The following USP24 variants were observed in gnomAD, a reference collection of about 807,000 sequenced individuals.
USP24 encodes the protein ubiquitin specific peptidase 24, also known as ubiquitin carboxyl-terminal hydrolase 24.
In USP24, 97 loss-of-function variants were observed where a neutral mutation model predicts 361.6. That is an observed-to-expected ratio of 0.27 (90% CI 0.23 to 0.32). The LOEUF (loss-of-function observed/expected upper bound fraction) is 0.32. USP24 is among the 10% of genes least tolerant of loss of function. USP24 has a pLI of 1.00. For synonymous variants in USP24, 1,098 were observed against 1,124.6 expected (o/e 0.98, Z 0.47); for missense variants, 2,353 against 3,165.6 (o/e 0.74, Z 6.16).
intron 1 of USP24, among the ~76,000 whole-genome samples, chr1:55,198,128 C>CTT (rs1489703674): frequency 7.0e-6 from 1 of 142,540 alleles, no homozygotes; most frequent in Non-Finnish European, 1.5e-5. Context: ...ATTTATATTT[C>CTT]TTTTTTAAAA....
Position 55,068,924 on chromosome 1 carries a change from G to A in USP24, c.*121C>T. The A allele has an allele frequency of 9.3e-7, 1 of 1,079,984 alleles. No homozygotes were observed. The allele number at this position is 1,079,984 out of a possible 1,614,324, so 66.9% of individuals were successfully genotyped here. A position where few individuals can be genotyped will look rare whatever the true frequency, so the allele number is the denominator to read the frequency against. Reference sequence around the variant, plus strand: ...CTTGAGAAATACACGATCCGCCCAAGTCACAGCAGCTTTCCCAGTCCAATC... The same window carrying A: ...CTTGAGAAATACACGATCCGCCCAAATCACAGCAGCTTTCCCAGTCCAATC... On this transcript the variant is annotated 3_prime_UTR_variant, in exon 68 of 68. Coordinates refer to ENST00000294383, the MANE Select transcript of USP24 (RefSeq NM_015306.3).
Position 55,209,276 on chromosome 1 carries a change from T to G in USP24, c.324+5514A>C, listed in dbSNP as rs1644793123. 2.6e-5 allele frequency among the ~76,000 whole-genome samples: 4 copies of G among 152,170 alleles called. No individual in the cohort carries two copies. The South Asian group carries it at 8.3e-4, about 32-fold the overall frequency. ...ATCCAACTTCTTCTTTTTTTTTCTT[T>G]TTAAAAGGAAAACCTTTCTAAAATA... On this transcript the variant is annotated intron_variant, in intron 1 of 67. Coordinates refer to ENST00000294383, the MANE Select transcript of USP24 (RefSeq NM_015306.3).
intron 55 of USP24, among the ~76,000 whole-genome samples, chr1:55,088,986 C>T (rs1645314473): frequency 6.6e-6 from 1 of 151,458 alleles, no homozygotes; most frequent in Admixed American, 6.6e-5. Context: ...GATCTCAGCT[C>T]ACTGCAACCT....
At position 55,101,682 on chromosome 1, in the gene USP24, T is replaced by C. The variant is rs766138009; in HGVS notation, c.5047A>G (p.Arg1683Gly). ...AGCCCCACAAACCCTGAACTGGACCTGCTATCCACTGGGGGAAGGTACTGG... is the reference window on the plus strand; with the variant it reads ...AGCCCCACAAACCCTGAACTGGACCCGCTATCCACTGGGGGAAGGTACTGG... ...EFDYLPPVDSRSSSGFVGLRN... is the reference protein window; with the variant it reads ...EFDYLPPVDSGSSSGFVGLRN... Residue 1683 changes from arginine (R) to glycine (G), a missense_variant, in exon 43 of 68, where the codon AGG (arginine) becomes GGG (glycine). By Grantham distance (125) the Arg-to-Gly change is moderately radical. Around this residue, in one of 8 missense-constraint regions of USP24, gnomAD observed 949 missense variants for 1,280.5 expected, o/e 0.74. Coordinates refer to ENST00000294383, the MANE Select transcript of USP24 (RefSeq NM_015306.3). 1 of 1,610,354 alleles carries C rather than the reference T, an allele frequency of 6.2e-7. No individual in the cohort carries two copies.
At chr1:55,127,672 A>G (rs540255882) in intron 32 of USP24, among the ~76,000 whole-genome samples, 2 of 152,204 alleles carry the variant, frequency 1.3e-5, no homozygotes, top group Non-Finnish European at 2.9e-5. Context: ...GAACTAGTTT[A>G]CAGTCCCACC....
intron 38 of USP24, among the ~76,000 whole-genome samples, chr1:55,114,852 A>G (rs949828865): frequency 2.0e-5 from 3 of 152,238 alleles, no homozygotes; most frequent in Non-Finnish European, 4.4e-5. Context: ...TTCATGACTA[A>G]AACACCAAAA....
chr1:55,156,642 A>AC (rs1647692341), intron 12 of USP24, among the ~76,000 whole-genome samples: 1 of 152,162 alleles, frequency 6.6e-6, no homozygotes, highest in African/African-American at 2.4e-5. Context: ...AATGAAAAGA[A>AC]CACTAGATTG....
intron 55 of USP24, among the ~76,000 whole-genome samples, chr1:55,088,488 T>C (rs1306306963): frequency 6.6e-6 from 1 of 152,114 alleles, no homozygotes; most frequent in Non-Finnish European, 1.5e-5. Context: ...TGTGCACATG[T>C]AGAGAGATTC....
At chr1:55,088,090 G>A (rs1645293317) in intron 55 of USP24, among the ~76,000 whole-genome samples, 1 of 152,248 alleles carries the variant, frequency 6.6e-6, no homozygotes, top group Non-Finnish European at 1.5e-5. Flanking sequence ...TTTATTCTGA[G>A]AGCAACAGGA....
intron 28 of USP24, among the ~76,000 whole-genome samples, chr1:55,137,310 G>T (rs899171207): frequency 3.3e-5 from 5 of 152,316 alleles, no homozygotes; most frequent in African/African-American, 1.2e-4. Flanking sequence ...ACTGTTTCAA[G>T]GAGCTTTGCT....
At chr1:55,072,230 CTT>C in intron 66 of USP24, 85 bp downstream of exon 66, 5 of 1,086,282 alleles carry the variant, frequency 4.6e-6, no homozygotes, top group Admixed American at 2.2e-5. Context: ...TCATACCTCT[CTT>C]CTCAGAGGTT....
intron 42 of USP24, among the ~76,000 whole-genome samples, chr1:55,103,595 C>T (rs1384113884): frequency 1.3e-5 from 2 of 152,120 alleles, no homozygotes; most frequent in Non-Finnish European, 2.9e-5. Context: ...AGCATAAAGT[C>T]ACTGAAAAAA....
chr1:55,103,806 C>CTAT, intron 42 of USP24, 70 bp downstream of exon 42: 1 of 1,495,210 alleles, frequency 6.7e-7, no homozygotes, highest in Non-Finnish European at 9.0e-7. Context: ...AATGCAAATA[C>CTAT]AGTCTTAAAA....
chr1:55,126,261 G>A (rs1308095162), intron 32 of USP24, among the ~76,000 whole-genome samples: 4 of 152,206 alleles, frequency 2.6e-5, no homozygotes, highest in Non-Finnish European at 2.9e-5. Flanking sequence ...AGGTCCCCAC[G>A]CATGGGTGTG....
Position 55,103,783 on chromosome 1 carries a change from T to C in USP24, c.5025+93A>G, listed in dbSNP as rs537906408. Reference sequence around the variant, plus strand: ...AGCAAAATAGTAATACTGACTTTCTTTGTGGTCAGCAGAATGCAAATACAG... The same window carrying C: ...AGCAAAATAGTAATACTGACTTTCTCTGTGGTCAGCAGAATGCAAATACAG... On this transcript the variant is annotated intron_variant, in intron 42 of 67. Transcript: ENST00000294383. The C allele has an allele frequency of 1.0e-5, 14 of 1,383,020 alleles. No homozygotes were observed. In the African/African-American group the frequency reaches 1.2e-4, roughly 12 times the overall value. The allele number at this position is 1,383,020 out of a possible 1,614,324, so 85.7% of individuals were successfully genotyped here. A position where few individuals can be genotyped will look rare whatever the true frequency, so the allele number is the denominator to read the frequency against.
rs998233617 is a variant in USP24, at chr1:55,187,439, A to G, written c.325-9307T>C. 1.3e-5 allele frequency among the ~76,000 whole-genome samples: 2 copies of G among 152,218 alleles called. 1 individual carries two copies. Among genetic ancestry groups the G allele is most frequent in the Non-Finnish European group, 2.9e-5 (2 of 68,026 alleles). The stretch of plus-strand genomic sequence containing the variant: ...CATTCAACACTGCACTGGAGTGTCT[A>G]GTCAAGGCAATTAGGCAAAGAAAAA... On this transcript the variant is annotated intron_variant, in intron 1 of 67. Transcript: ENST00000294383.
intron 43 of USP24, 100 bp downstream of exon 43, chr1:55,101,482 CTT>C (rs1645633190): frequency 2.7e-6 from 4 of 1,476,754 alleles, no homozygotes; most frequent in East Asian, 2.5e-5. Context: ...CAAGTTATGT[CTT>C]GTTTTAGGAA....
Position 55,096,499 on chromosome 1 carries a change from T to G in USP24, c.6060A>C (p.Gln2020His). Residue 2020 changes from glutamine (Q) to histidine (H), a missense_variant and splice_region_variant, in exon 50 of 68, where the codon CAA becomes CAC. Around this residue, in one of 8 missense-constraint regions of USP24, gnomAD observed 598 missense variants for 761.9 expected, o/e 0.78. Coordinates refer to ENST00000294383, the MANE Select transcript of USP24 (RefSeq NM_015306.3). ...GGEYRPKVYD[Q>H]TNPYTDVRRR... ...AAATATCCATTTGTAAATACTTACT[T>G]TGATCATAAACTTTTGGTCTATATT... 6.4e-7 allele frequency: 1 copy of G among 1,570,424 alleles called. No homozygotes were observed. The highest frequency in any genetic ancestry group is 2.3e-5 in the East Asian group (1 of 43,664).
chr1:55,071,100 T>C (rs1419561125), intron 67 of USP24: 3 of 975,444 alleles, frequency 3.1e-6, no homozygotes, highest in Admixed American at 6.2e-5. Flanking sequence ...ATAGTGCTTA[T>C]GAGGATCCGA....
Sources: gnomAD v4.1 joint callset for allele counts (sites outside exome capture counted in the v4.1 genomes callset) on GRCh38, gnomAD v4.1.1 for gene constraint, gnomAD v4.1.1 regional missense constraint, MANE v1.5 for transcripts, NCBI Gene and HGNC (gene_info 2026-07-23, HGNC 2026-07-21) for gene names.